The following RAB3C variants were observed in gnomAD, a reference collection of about 807,000 sequenced individuals.
The protein encoded by RAB3C is RAB3C, member RAS oncogene family, also known as ras-related protein Rab-3C.
RAB3C carries 17 observed loss-of-function variants against 26.4 expected under a neutral mutation model. That is an observed-to-expected ratio of 0.64 (90% CI 0.44 to 0.97). The LOEUF (loss-of-function observed/expected upper bound fraction) is 0.97. RAB3C is among the 50% of genes least tolerant of loss of function. The probability of loss-of-function intolerance (pLI) is 0.00; values close to 1 mark genes in which losing one functional copy is unlikely to be tolerated. For synonymous variants in RAB3C, 91 were observed against 95.9 expected, an observed-to-expected ratio of 0.95 and a Z score of 0.30; for missense variants, 242 against 281.9, an observed-to-expected ratio of 0.86 and a Z score of 1.01.
intron 2 of RAB3C, among the ~76,000 whole-genome samples, chr5:58,647,383 A>G (rs1313666051): frequency 6.6e-6 from 1 of 152,110 alleles, no homozygotes; most frequent in Non-Finnish European, 1.5e-5. Context: ...GAAAAGGAGG[A>G]ACTTGCCAAA....
chr5:58,707,918 C>T (rs1237213948), intron 2 of RAB3C, among the ~76,000 whole-genome samples: 7 of 152,040 alleles, frequency 4.6e-5, no homozygotes, highest in Admixed American at 1.3e-4. Flanking sequence ...AACCCTGCCC[C>T]GCCTGGGCAT....
chr5:58,597,148 AC>A (rs1746324595), intron 1 of RAB3C, among the ~76,000 whole-genome samples: 1 of 83,836 alleles, frequency 1.2e-5, no homozygotes, highest in Non-Finnish European at 2.3e-5. Flanking sequence ...AATATATACT[AC>A]ATAATATATA....
At chr5:58,795,833 AAG>A (rs1246887387) in intron 3 of RAB3C, among the ~76,000 whole-genome samples, 2 of 121,152 alleles carry the variant, frequency 1.7e-5, no homozygotes, top group Non-Finnish European at 3.4e-5. Flanking sequence ...GATATAGAGA[AAG>A]AGAAAAAAGC....
intron 3 of RAB3C, among the ~76,000 whole-genome samples, chr5:58,759,821 T>C (rs538731198): frequency 6.6e-6 from 1 of 152,206 alleles, no homozygotes; most frequent in South Asian, 2.1e-4. Context: ...GGTCAAAATT[T>C]AGCATCATGG....
intron 3 of RAB3C, among the ~76,000 whole-genome samples, chr5:58,792,136 T>G (rs183879183): frequency 6.6e-6 from 1 of 152,378 alleles, no homozygotes; most frequent in East Asian, 1.9e-4. Context: ...TTTGTTTCTT[T>G]GCATGGCAAG....
chr5:58,772,640 C>T (rs1742053566), intron 3 of RAB3C, among the ~76,000 whole-genome samples: 1 of 152,108 alleles, frequency 6.6e-6, no homozygotes, highest in Non-Finnish European at 1.5e-5. Context: ...TGATTTTTAT[C>T]TTATTTCTGG....
intron 3 of RAB3C, among the ~76,000 whole-genome samples, chr5:58,786,378 C>T (rs369940525): frequency 2.0e-5 from 3 of 152,062 alleles, no homozygotes; most frequent in African/African-American, 7.2e-5. Flanking sequence ...TCCTTTTCCC[C>T]AGTGGCACAC....
chr5:58,595,152 G>A (rs1175213966), intron 1 of RAB3C, among the ~76,000 whole-genome samples: 4 of 152,172 alleles, frequency 2.6e-5, no homozygotes, highest in African/African-American at 9.7e-5. Context: ...TAGCAGAGCA[G>A]AGTTGCATAG....
At position 58,679,890 on chromosome 5, in the gene RAB3C, T is replaced by A. The variant is rs2111838810; in HGVS notation, c.253-46112T>A. Among the ~76,000 whole-genome samples, 5 of 152,352 alleles carry A rather than the reference T, an allele frequency of 3.3e-5. No homozygotes were observed. In the South Asian group the frequency reaches 1.0e-3, roughly 32 times the overall value. On this transcript the variant is annotated intron_variant, in intron 2 of 4. Transcript: ENST00000282878. Reference sequence around the variant, plus strand: ...CATATCCTTTAGGCAATGTACTGTTTGATTTTCAGTGCGGAAATGTGTGCT... The same window carrying A: ...CATATCCTTTAGGCAATGTACTGTTAGATTTTCAGTGCGGAAATGTGTGCT...
intron 3 of RAB3C, among the ~76,000 whole-genome samples, chr5:58,820,027 AGTTATT>A (rs950538090): frequency 5.5e-4 from 84 of 152,312 alleles, no homozygotes; most frequent in African/African-American, 1.5e-3. Context: ...GTGCATAGAA[AGTTATT>A]GTGTATGCAG....
Position 58,772,040 on chromosome 5 carries a change from T to A in RAB3C, c.371+45920T>A, listed in dbSNP as rs1579910246. On this transcript the variant is annotated intron_variant, in intron 3 of 4. Coordinates refer to ENST00000282878, the MANE Select transcript of RAB3C (RefSeq NM_138453.4). Reference sequence around the variant, plus strand: ...CTGAGTAAAGCAGAAATATGCTAGGTGGTTGCACTGGTAACTCCCAATAAA... The same window carrying A: ...CTGAGTAAAGCAGAAATATGCTAGGAGGTTGCACTGGTAACTCCCAATAAA... Among the ~76,000 whole-genome samples the A allele has an allele frequency of 2.6e-5, 4 of 151,990 alleles. No homozygotes were observed. The East Asian group carries it at 7.7e-4, about 29-fold the overall frequency.
chr5:58,755,799 T>C (rs150807727), intron 3 of RAB3C, among the ~76,000 whole-genome samples: 1 of 152,364 alleles, frequency 6.6e-6, no homozygotes, highest in African/African-American at 2.4e-5. Context: ...TGCAAACTTT[T>C]ACATTATCAC....
In RAB3C at chr5:58,593,779, C is replaced by G. The variant is rs570286667; in HGVS notation, c.24+10547C>G. On this transcript the variant is annotated intron_variant, in intron 1 of 4. Transcript: ENST00000282878. The stretch of plus-strand genomic sequence containing the variant: ...AGATAATGAAGTATTTTTGCATTCA[C>G]TAAACAATGAAGCCATAGGAGTAAG... Among the ~76,000 whole-genome samples, 6 of 152,252 alleles carry G rather than the reference C, an allele frequency of 3.9e-5. No homozygotes were observed. The South Asian group carries it at 6.2e-4, about 16-fold the overall frequency.
intron 3 of RAB3C, among the ~76,000 whole-genome samples, chr5:58,773,322 T>C (rs1301592650): frequency 2.6e-5 from 4 of 152,102 alleles, no homozygotes; most frequent in Non-Finnish European, 5.9e-5. Context: ...GAACCCCTAT[T>C]AGTAAAAGCA....
chr5:58,720,431 C>T (rs1416532774), intron 2 of RAB3C, among the ~76,000 whole-genome samples: 1 of 151,844 alleles, frequency 6.6e-6, no homozygotes, highest in Non-Finnish European at 1.5e-5. Context: ...ATAATTTAAT[C>T]TGTCTTTAAT....
intron 3 of RAB3C, among the ~76,000 whole-genome samples, chr5:58,798,951 A>G (rs1742740082): frequency 6.6e-6 from 1 of 152,216 alleles, no homozygotes; most frequent in Non-Finnish European, 1.5e-5. Flanking sequence ...AAAGTTCGGG[A>G]GGAGTCTAAA....
intron 1 of RAB3C, among the ~76,000 whole-genome samples, chr5:58,599,205 T>C (rs750914398): frequency 6.6e-6 from 1 of 152,142 alleles, no homozygotes; most frequent in African/African-American, 2.4e-5. Flanking sequence ...CAGAGATGCA[T>C]CTGCATGCAC....
intron 2 of RAB3C, among the ~76,000 whole-genome samples, chr5:58,715,580 C>T (rs576381252): frequency 1.1e-3 from 168 of 152,172 alleles, no homozygotes; most frequent in African/African-American, 4.0e-3. Flanking sequence ...ATTTCATTGA[C>T]TTTAGTTTTT....
intron 2 of RAB3C, among the ~76,000 whole-genome samples, chr5:58,694,475 TA>T (rs1274463166): frequency 6.6e-6 from 1 of 152,232 alleles, no homozygotes; most frequent in East Asian, 1.9e-4. Flanking sequence ...GGTCAAATGG[TA>T]ATTCTAGTTC....
Sources: gnomAD v4.1 joint callset for allele counts (sites outside exome capture counted in the v4.1 genomes callset) on GRCh38, gnomAD v4.1.1 for gene constraint, MANE v1.5 for transcripts, NCBI Gene and HGNC (gene_info 2026-07-23, HGNC 2026-07-21) for gene names.